TRAF3: variants seen among roughly 807,000 people sequenced by gnomAD.
The protein encoded by TRAF3 is TNF receptor-associated factor 3.
TRAF3 carries 13 observed loss-of-function variants against 62.3 expected under a neutral mutation model. The observed-to-expected ratio is 0.21, with a 90% confidence interval of 0.14 to 0.33. The LOEUF is 0.33. Among genes scored for constraint, TRAF3 ranks in the 10% least tolerant of loss-of-function variants. The pLI, the probability that TRAF3 is intolerant of heterozygous loss-of-function variation, is 1.00. For missense variants in TRAF3, 440 were observed against 741.8 expected (o/e 0.59, Z 4.73); for synonymous variants, 269 against 283.4 (o/e 0.95, Z 0.51).
intron 1 of TRAF3, among the ~76,000 whole-genome samples, chr14:102,827,561 G>A (rs914974577): frequency 4.6e-5 from 7 of 152,178 alleles, no homozygotes; most frequent in African/African-American, 1.7e-4. Flanking sequence ...GAGGTCAGTT[G>A]GGGAATTTTC....
At chr14:102,804,350 G>A (rs558932173) in intron 1 of TRAF3, among the ~76,000 whole-genome samples, 80 of 152,238 alleles carry the variant, frequency 5.3e-4, no homozygotes, top group Admixed American at 1.4e-3. Context: ...TAATTGGGCC[G>A]TTTTTGGTGC....
At chr14:102,890,355 A>G (rs1168044098) in intron 8 of TRAF3, among the ~76,000 whole-genome samples, 2 of 152,260 alleles carry the variant, frequency 1.3e-5, no homozygotes, top group Admixed American at 6.5e-5. Context: ...ATGTAGCACC[A>G]ATACATTATT....
intron 6 of TRAF3, among the ~76,000 whole-genome samples, chr14:102,881,395 CAAAAAAA>C (rs57546209): frequency 5.1e-5 from 6 of 117,470 alleles, no homozygotes; most frequent in East Asian, 2.4e-4. Context: ...ACAACAAAAA[CAAAAAAA>C]AAAAAAAAGA....
intron 4 of TRAF3, among the ~76,000 whole-genome samples, chr14:102,872,912 G>A (rs937091210): frequency 2.6e-5 from 4 of 151,878 alleles, no homozygotes; most frequent in Admixed American, 6.6e-5. Flanking sequence ...GGCCAGTCTC[G>A]AACTCCTGAC....
intron 1 of TRAF3, among the ~76,000 whole-genome samples, chr14:102,778,648 T>C (rs1897141483): frequency 6.6e-6 from 1 of 152,150 alleles, no homozygotes; most frequent in African/African-American, 2.4e-5. Context: ...TCAGAAAGGT[T>C]ATGTCGAGCG....
At chr14:102,794,359 T>G (rs1897959009) in intron 1 of TRAF3, among the ~76,000 whole-genome samples, 1 of 152,174 alleles carries the variant, frequency 6.6e-6, no homozygotes, top group Non-Finnish European at 1.5e-5. Context: ...GTTTTTAACT[T>G]TTTGTAGAGA....
intron 9 of TRAF3, 68 bp downstream of exon 9, chr14:102,891,485 CT>C: frequency 2.0e-6 from 3 of 1,504,346 alleles, no homozygotes; most frequent in Non-Finnish European, 1.8e-6. Context: ...AAGACAAAAC[CT>C]TTTTGTAGTT....
intron 1 of TRAF3, among the ~76,000 whole-genome samples, chr14:102,800,221 C>T (rs1057215714): frequency 6.6e-6 from 1 of 152,192 alleles, no homozygotes; most frequent in Non-Finnish European, 1.5e-5. Context: ...CCCTGCTGGA[C>T]TGGGAGCCTC....
At chr14:102,892,068 T>TC (rs1555376261) in intron 9 of TRAF3, among the ~76,000 whole-genome samples, 5 of 144,384 alleles carry the variant, frequency 3.5e-5, no homozygotes, top group East Asian at 2.0e-4. Flanking sequence ...TTTTTTTTTT[T>TC]CCCCAAGACG....
At chr14:102,839,031 A>AT (rs1886201198) in intron 2 of TRAF3, among the ~76,000 whole-genome samples, 1 of 152,086 alleles carries the variant, frequency 6.6e-6, no homozygotes, top group Admixed American at 6.6e-5. Context: ...ATCTGTGGAA[A>AT]TCGGCTCATG....
At chr14:102,853,893 A>G (rs1202104210) in intron 2 of TRAF3, among the ~76,000 whole-genome samples, 1 of 151,786 alleles carries the variant, frequency 6.6e-6, no homozygotes, top group Non-Finnish European at 1.5e-5. Context: ...ATTTCAGAAT[A>G]TTTCATCACC....
At chr14:102,878,160 C>T (rs1022851252) in intron 6 of TRAF3, among the ~76,000 whole-genome samples, 3 of 152,176 alleles carry the variant, frequency 2.0e-5, no homozygotes, top group Non-Finnish European at 2.9e-5. Flanking sequence ...GGAATTGCCT[C>T]AAAATGTTGA....
chr14:102,910,187 A>G lies in TRAF3; in HGVS notation c.*4403A>G, dbSNP rs373563762. The G allele has an allele frequency of 6.6e-6, 1 of 152,204 alleles. No individual in the cohort carries two copies. Among genetic ancestry groups the G allele is most frequent in the Non-Finnish European group, 1.5e-5 (1 of 68,038 alleles). 9.4% of individuals were successfully genotyped at this position (152,204 alleles called of 1,614,324 possible). A position where few individuals can be genotyped will look rare whatever the true frequency, so the allele number is the denominator to read the frequency against. On this transcript the variant is annotated 3_prime_UTR_variant, in exon 12 of 12. Transcript: ENST00000392745. ...CCCTTGCTCAATCCCCGGCCCTCCC[A>G]GACTCCTCCCTCTACTGGGGGTAAT...
At chr14:102,789,497 A>G (rs1897680684) in intron 1 of TRAF3, among the ~76,000 whole-genome samples, 1 of 152,014 alleles carries the variant, frequency 6.6e-6, no homozygotes, top group Non-Finnish European at 1.5e-5. Context: ...TTCATGTCAT[A>G]TGGGTAATGT....
intron 6 of TRAF3, among the ~76,000 whole-genome samples, chr14:102,883,778 G>T (rs969455740): frequency 6.6e-6 from 1 of 152,102 alleles, no homozygotes; most frequent in African/African-American, 2.4e-5. Context: ...TAGCGACGGG[G>T]TTTCACCATG....
intron 1 of TRAF3, among the ~76,000 whole-genome samples, chr14:102,790,681 CAT>C (rs763335884): frequency 8.5e-5 from 13 of 152,270 alleles, no homozygotes; most frequent in East Asian, 1.9e-4. Flanking sequence ...CTTCCCATAA[CAT>C]GTGGGGATTA....
intron 1 of TRAF3, among the ~76,000 whole-genome samples, chr14:102,815,366 TA>T (rs1415006964): frequency 2.6e-5 from 4 of 152,154 alleles, no homozygotes; most frequent in African/African-American, 9.7e-5. Flanking sequence ...TTTTTATTTT[TA>T]TTTTTTTGAG....
chr14:102,777,945 G>A (rs1348338921), intron 1 of TRAF3, among the ~76,000 whole-genome samples: 1 of 149,942 alleles, frequency 6.7e-6, no homozygotes, highest in African/African-American at 2.4e-5. Flanking sequence ...GGCCCGAGGG[G>A]GCCGGGGCGC....
intron 4 of TRAF3, among the ~76,000 whole-genome samples, chr14:102,873,211 C>T (rs990634828): frequency 6.6e-6 from 1 of 152,164 alleles, no homozygotes. Context: ...TGTCCCTGGG[C>T]TGCCAGGCAC....
Sources: allele counts gnomAD v4.1 joint callset (sites outside exome capture counted in the v4.1 genomes callset), GRCh38; gene constraint gnomAD v4.1.1; transcripts MANE v1.5; gene names NCBI Gene and HGNC (gene_info 2026-07-23, HGNC 2026-07-21).